ZNF274: variants seen among roughly 807,000 people sequenced by gnomAD.
ZNF274 encodes zinc finger protein 274.
A neutral mutation model predicts 42.5 loss-of-function variants in ZNF274; 23 were observed. The observed-to-expected ratio is 0.54, with a 90% CI of 0.39 to 0.77. ZNF274 has a LOEUF of 0.77. ZNF274 is among the 30% of genes least tolerant of loss of function. The pLI, the probability that ZNF274 is intolerant of heterozygous loss-of-function variation, is 0.00. For missense variants in ZNF274, 679 were observed against 806.5 expected (o/e 0.84, Z 1.91); for synonymous variants, 292 against 305.4 (o/e 0.96, Z 0.46).
At position 58,212,106 on chromosome 19, in the gene ZNF274, A is replaced by G. The variant is rs1233278487; in HGVS notation, c.980-55A>G. 1.1e-5 allele frequency: 17 copies of G among 1,533,348 alleles called. No individual in the cohort carries two copies. Among genetic ancestry groups the G allele is most frequent in the Middle Eastern group, 1.9e-4 (1 of 5,234 alleles). The allele number at this position is 1,533,348 out of a possible 1,614,324, so 95.0% of individuals were successfully genotyped here. A position where few individuals can be genotyped will look rare whatever the true frequency, so the allele number is the denominator to read the frequency against. Reference sequence around the variant, plus strand: ...TTAATTATGCATTTCATGCTCTCAGACCCATCCCAGCACATCTCTCTATGG... The same window carrying G: ...TTAATTATGCATTTCATGCTCTCAGGCCCATCCCAGCACATCTCTCTATGG... On this transcript the variant is annotated intron_variant, in intron 7 of 7. Coordinates refer to ENST00000617501, the MANE Select transcript of ZNF274 (RefSeq NM_133502.3). The surrounding 1 kb of genome is among the most constrained non-coding windows in gnomAD (Gnocchi z 4.6).
At chr19:58,198,442 T>A (rs1385865067) in intron 4 of ZNF274, among the ~76,000 whole-genome samples, 2 of 146,672 alleles carry the variant, frequency 1.4e-5, no homozygotes, top group Non-Finnish European at 3.0e-5. Flanking sequence ...TTGCTTTGGC[T>A]TCACATATAC....
rs114554961 is a variant in ZNF274, at chr19:58,192,969, A to G, written c.256+5927A>G. On this transcript the variant is annotated intron_variant, in intron 4 of 7. Coordinates refer to ENST00000617501, the MANE Select transcript of ZNF274 (RefSeq NM_133502.3). ...GCTGGTATCGAGCTTGCCTCAAGCA[A>G]TCCTCCCCGCGTCAGTTTCCCAAAG... Among the ~76,000 whole-genome samples the G allele has an allele frequency of 1.8e-3, 267 of 151,964 alleles. 2 individuals are homozygous for G. Among genetic ancestry groups the G allele is most frequent in the African/African-American group, 6.3e-3 (263 of 41,448 alleles).
rs75597 is a variant in ZNF274 at position 58,208,870 on chromosome 19, A to G, written c.740-1091A>G. Reference sequence around the variant, plus strand: ...TAATGAGGTGAAAGTCAGTGAATTCACCCTGTGTTTAACCTCAGGGGTGAA... The same window carrying G: ...TAATGAGGTGAAAGTCAGTGAATTCGCCCTGTGTTTAACCTCAGGGGTGAA... On this transcript the variant is annotated intron_variant, in intron 5 of 7. Transcript: ENST00000617501. This position sits in a 1 kb window ranked among gnomAD's most constrained non-coding sequence, Gnocchi z 4.5. 0.1 allele frequency: 15,589 copies of G among 152,262 alleles called. 1,327 individuals are homozygous for G. The highest frequency in any genetic ancestry group is 0.36 in the East Asian group (1,875 of 5,172). The allele number at this position is 152,262 out of a possible 1,614,324, so 9.4% of individuals were successfully genotyped here.
At chr19:58,210,392 G>T in intron 6 of ZNF274, 1 of 220,474 alleles carries the variant, frequency 4.5e-6, no homozygotes, top group Non-Finnish European at 9.0e-6. Context: ...ATCCAGGTCA[G>T]AACAAGAGAG....
Position 58,213,180 on chromosome 19 carries a change from T to C in ZNF274, c.*37T>C. On this transcript the variant is annotated 3_prime_UTR_variant, in exon 8 of 8. Transcript: ENST00000617501. ...GTTGAAGAAACCTTGCCTTTTCAGC[T>C]TGACCCTGCAATATAACATGCACAG... is the stretch of plus-strand genomic sequence containing the variant. 2 of 1,570,912 alleles carry C rather than the reference T, an allele frequency of 1.3e-6. No individual in the cohort carries two copies. The highest frequency in any genetic ancestry group is 1.7e-6 in the Non-Finnish European group (2 of 1,159,290).
chr19:58,209,836 G>A (rs2076020028), intron 5 of ZNF274, 125 bp from the exon 6 acceptor site: 2 of 614,998 alleles, frequency 3.3e-6, no homozygotes, highest in Non-Finnish European at 5.7e-6. Flanking sequence ...CAGGAGCAGA[G>A]GCTGTCATGG....
Position 58,211,241 on chromosome 19 carries a change from T to TG in ZNF274, c.853-317dup, listed in dbSNP as rs1239157447. The TG allele has an allele frequency of 9.5e-5, 22 of 230,642 alleles. No individual in the cohort carries two copies. In the East Asian group the frequency reaches 1.8e-3, roughly 19 times the overall value. 14.3% of individuals were successfully genotyped at this position (230,642 alleles called of 1,614,324 possible). A position where few individuals can be genotyped will look rare whatever the true frequency, so the allele number is the denominator to read the frequency against. On this transcript the variant is annotated intron_variant, in intron 6 of 7. Transcript: ENST00000617501. This position sits in a 1 kb window ranked among gnomAD's most constrained non-coding sequence, Gnocchi z 4.8. Reference sequence around the variant, plus strand: ...CAAGTGGGAAGACAGTATTAATAGATGGAGAACCCTCTGCAGTGGGAAGAT... The same window carrying TG: ...CAAGTGGGAAGACAGTATTAATAGATGGGAGAACCCTCTGCAGTGGGAAGAT...
At chr19:58,188,601 A>C (rs527997624) in intron 4 of ZNF274, among the ~76,000 whole-genome samples, 70 of 87,174 alleles carry the variant, frequency 8.0e-4, no homozygotes, top group Non-Finnish European at 1.2e-3. Context: ...GTGAGACTCC[A>C]TCTCAAAAAA....
At chr19:58,191,485 C>G (rs1022456429) in intron 4 of ZNF274, among the ~76,000 whole-genome samples, 1 of 152,222 alleles carries the variant, frequency 6.6e-6, no homozygotes, top group Admixed American at 6.5e-5. Context: ...ATTACTCAGG[C>G]TGTGACAAGT....
rs2075699643 is a variant in ZNF274 at position 58,186,449 on chromosome 19, C to T, written c.161-498C>T. Among the ~76,000 whole-genome samples the T allele has an allele frequency of 2.1e-5, 3 of 141,364 alleles. No individual in the cohort carries two copies. The Admixed American group carries it at 2.3e-4, about 11-fold the overall frequency. The allele number at this position is 141,364 out of a possible 152,430, so 92.7% of individuals were successfully genotyped here. A position where few individuals can be genotyped will look rare whatever the true frequency, so the allele number is the denominator to read the frequency against. ...TCAGGAGGCTGAGCCAGGAGAACTGCTTGAACATGGGAGGTGGAGGAGATT... is the reference window on the plus strand; with the variant it reads ...TCAGGAGGCTGAGCCAGGAGAACTGTTTGAACATGGGAGGTGGAGGAGATT... On this transcript the variant is annotated intron_variant, in intron 3 of 7. Coordinates refer to ENST00000617501, the MANE Select transcript of ZNF274 (RefSeq NM_133502.3).
At chr19:58,195,328 C>T (rs1367576766) in intron 4 of ZNF274, among the ~76,000 whole-genome samples, 3 of 152,054 alleles carry the variant, frequency 2.0e-5, no homozygotes, top group African/African-American at 7.2e-5. Flanking sequence ...TTAACTGATT[C>T]TTGTAATGAC....
At chr19:58,188,698 A>ATGTGTG (rs199545253) in intron 4 of ZNF274, among the ~76,000 whole-genome samples, 9 of 88,422 alleles carry the variant, frequency 1.0e-4, no homozygotes, top group African/African-American at 4.0e-4. Context: ...GTATATGTAT[A>ATGTGTG]TATATATATA....
In ZNF274 at chr19:58,211,771, C is replaced by T. The variant is rs908138993; in HGVS notation, c.979+85C>T. On this transcript the variant is annotated intron_variant, in intron 7 of 7. Coordinates refer to ENST00000617501, the MANE Select transcript of ZNF274 (RefSeq NM_133502.3). This position sits in a 1 kb window ranked among gnomAD's most constrained non-coding sequence, Gnocchi z 4.8. ...CAGGGGTGTTCACCTTCTCTAGACT[C>T]CACACTGGGCATTCCCTCAAGGGGC... 7 of 1,502,000 alleles carry T rather than the reference C, an allele frequency of 4.7e-6. No homozygotes were observed. In the Admixed American group the frequency reaches 1.1e-4, roughly 24 times the overall value. The allele number at this position is 1,502,000 out of a possible 1,614,324, so 93.0% of individuals were successfully genotyped here. A position where few individuals can be genotyped will look rare whatever the true frequency, so the allele number is the denominator to read the frequency against.
Position 58,201,249 on chromosome 19 carries a change from C to T in ZNF274, c.257-5471C>T, listed in dbSNP as rs548291343. The stretch of plus-strand genomic sequence containing the variant: ...CCGGTCTAGAACTCCTGGGCTCAAG[C>T]GAACCACCTACCTCAGCCTCCCAAG... On this transcript the variant is annotated intron_variant, in intron 4 of 7. Transcript: ENST00000617501. Among the ~76,000 whole-genome samples, 828 of 147,910 alleles carry T rather than the reference C, an allele frequency of 5.6e-3. 7 individuals are homozygous for T. Among genetic ancestry groups the T allele is most frequent in the Non-Finnish European group, 9.2e-3 (618 of 67,366 alleles).
chr19:58,204,483 G>C (rs895464173), intron 4 of ZNF274, among the ~76,000 whole-genome samples: 1 of 152,154 alleles, frequency 6.6e-6, no homozygotes, highest in Admixed American at 6.5e-5. Flanking sequence ...TCGCATTCCT[G>C]AGTGCGCGAT....
At chr19:58,183,612 C>G (rs754656680) in intron 1 of ZNF274, 170 bp downstream of exon 1, 1 of 217,960 alleles carries the variant, frequency 4.6e-6, no homozygotes, top group East Asian at 1.2e-4. Flanking sequence ...TGACCCGGAA[C>G]CCCGAGGGGA....
Position 58,188,700 on chromosome 19 carries a change from A to ATATGTATATG in ZNF274, c.256+1661_256+1662insGTATATGTAT, listed in dbSNP as rs1568697828. Among the ~76,000 whole-genome samples, 130 of 85,550 alleles carry ATATGTATATG rather than the reference A, an allele frequency of 1.5e-3. 3 individuals are homozygous for ATATGTATATG. Among genetic ancestry groups the ATATGTATATG allele is most frequent in the Non-Finnish European group, 1.0e-3 (49 of 48,994 alleles). The allele number at this position is 85,550 out of a possible 152,430, so 56.1% of individuals were successfully genotyped here. A position where few individuals can be genotyped will look rare whatever the true frequency, so the allele number is the denominator to read the frequency against. ...TGTATATATATATGTATATGTATAT[A>ATATGTATATG]TATATATATATATATATATATATAA... is the stretch of plus-strand genomic sequence containing the variant. On this transcript the variant is annotated intron_variant, in intron 4 of 7. Transcript: ENST00000617501.
intron 4 of ZNF274, among the ~76,000 whole-genome samples, chr19:58,187,973 C>T (rs1173801538): frequency 1.3e-5 from 2 of 152,158 alleles, no homozygotes; most frequent in Non-Finnish European, 2.9e-5. Flanking sequence ...GATTCACCCA[C>T]CTTGGCCTCA....
chr19:58,193,736 C>T (rs2075805787), intron 4 of ZNF274, among the ~76,000 whole-genome samples: 1 of 151,920 alleles, frequency 6.6e-6, no homozygotes, highest in Admixed American at 6.6e-5. Context: ...GACCACCTGA[C>T]AAACACAGCA....
Sources: gnomAD v4.1 joint callset for allele counts (sites outside exome capture counted in the v4.1 genomes callset) on GRCh38, gnomAD v4.1.1 for gene constraint, Gnocchi (gnomAD v3.1) non-coding constraint, MANE v1.5 for transcripts, NCBI Gene and HGNC (gene_info 2026-07-23, HGNC 2026-07-21) for gene names.